The following COL1A2 variants were observed in gnomAD, a reference collection of about 807,000 sequenced individuals.
COL1A2 encodes collagen type I alpha 2 chain.
A neutral mutation model predicts 174.3 loss-of-function variants in COL1A2; 49 were observed. The ratio of observed to expected loss-of-function variants is 0.28; its 90% CI spans 0.22 to 0.36. The LOEUF is 0.36. COL1A2 is among the 10% of genes least tolerant of loss of function. The pLI is 1.00. For missense variants in COL1A2, 1,438 were observed against 1,822.7 expected (o/e 0.79, Z 3.84); for synonymous variants, 655 against 606.6 (o/e 1.08, Z -1.17).
chr7:94,425,685 C>T (rs766233272), intron 43 of COL1A2, 22 bp downstream of exon 43: 22 of 1,614,102 alleles, frequency 1.4e-5, no homozygotes, highest in Admixed American at 3.3e-5. Context: ...TTTCATCTTT[C>T]TCTAATTCAA....
intron 39 of COL1A2, 78 bp downstream of exon 39, chr7:94,422,030 C>T: frequency 7.9e-7 from 1 of 1,270,754 alleles, no homozygotes; most frequent in Non-Finnish European, 1.1e-6. Context: ...TGGTAAGAAA[C>T]TCTTCATGAA....
chr7:94,408,695 C>G, intron 15 of COL1A2, 75 bp from the exon 16 acceptor site: 1 of 1,515,638 alleles, frequency 6.6e-7, no homozygotes, highest in Non-Finnish European at 9.2e-7. Flanking sequence ...TAAGCAACTT[C>G]AATCTTCTGC....
intron 4 of COL1A2, among the ~76,000 whole-genome samples, chr7:94,399,863 T>A (rs1158487019): frequency 1.3e-5 from 2 of 152,200 alleles, no homozygotes; most frequent in Non-Finnish European, 2.9e-5. Flanking sequence ...AAAAATACGA[T>A]GTAAGTCCTT....
intron 24 of COL1A2, 38 bp from the exon 25 acceptor site, chr7:94,412,546 G>C (rs368291566): frequency 1.8e-5 from 28 of 1,528,340 alleles, no homozygotes; most frequent in Non-Finnish European, 2.4e-5. Context: ...GTGAGAATAT[G>C]TTGACACTGA....
Position 94,405,725 on chromosome 7 carries a change from G to C in COL1A2, c.539G>C (p.Arg180Thr). The change falls in exon 11 of 52, where the codon AGG (arginine) becomes ACG (threonine). Residue 180 changes from arginine to threonine, a missense_variant and splice_region_variant. Arg to Thr is a moderately conservative substitution (Grantham distance 71, BLOSUM62 -1). This residue lies in a region of COL1A2 where 281 missense variants were observed against 310.9 expected (regional missense o/e 0.90). Coordinates refer to ENST00000297268, the MANE Select transcript of COL1A2 (RefSeq NM_000089.4). ...TPGLPGFKGIRGHNGLDGLKG... is the reference protein window; with the variant it reads ...TPGLPGFKGITGHNGLDGLKG... ...GGACTTCCTGGCTTCAAAGGCATTA[G>C]GGTGAGCACATTCTTTACTCAGAAG... 6.2e-7 allele frequency: 1 copy of C among 1,612,724 alleles called. No homozygotes were observed. Among genetic ancestry groups the C allele is most frequent in the African/African-American group, 1.3e-5 (1 of 75,014 alleles).
intron 6 of COL1A2, among the ~76,000 whole-genome samples, 165 bp downstream of exon 6, chr7:94,401,785 G>A (rs1489637780): frequency 6.6e-6 from 1 of 151,900 alleles, no homozygotes; most frequent in Non-Finnish European, 1.5e-5. Flanking sequence ...CATAAGTTAA[G>A]GAGTTCACTT....
rs1194756393 is a variant in COL1A2 at position 94,410,468 on chromosome 7, A to C, written c.1138A>C (p.Lys380Gln). The C allele has an allele frequency of 4.5e-6, 7 of 1,550,498 alleles. No individual in the cohort carries two copies. Among genetic ancestry groups the C allele is most frequent in the Middle Eastern group, 4.1e-4 (2 of 4,886 alleles). ...GPPGPSGEEG[K>Q]RGPNGEAGSA... ...TCCTGGTCCCAGTGGTGAAGAAGGA[A>C]AGAGAGGCCCTAATGGGGAAGCTGG... The change falls in exon 21 of 52, where the codon AAG (lysine) becomes CAG (glutamine). Residue 380 changes from lysine (K) to glutamine (Q), a missense_variant. Around this residue, in one of 3 missense-constraint regions of COL1A2, gnomAD observed 867 missense variants for 1,213.7 expected, o/e 0.71. Coordinates refer to ENST00000297268, the MANE Select transcript of COL1A2 (RefSeq NM_000089.4).
In COL1A2 at chr7:94,409,324, T is replaced by A. The variant is rs944942328; in HGVS notation, c.795T>A (p.Gly265=). 6.8e-6 allele frequency: 11 copies of A among 1,613,802 alleles called. No individual in the cohort carries two copies. Among genetic ancestry groups the A allele is most frequent in the African/African-American group, 1.3e-5 (1 of 75,008 alleles). The part of the protein sequence containing the change: ...PGFPGAPGPK[G]EIGAVGNAGP... The stretch of plus-strand genomic sequence containing the variant: ...CTTGGTTTAATTTCCTCTTTTAGGG[T>A]GAAATTGGAGCTGTTGGTAACGCTG... The change falls in exon 17 of 52, where the codon GGT becomes GGA. Residue 265 remains glycine, a splice_region_variant and synonymous_variant. Coordinates refer to ENST00000297268, the MANE Select transcript of COL1A2 (RefSeq NM_000089.4).
chr7:94,419,382 C>A, intron 33 of COL1A2, 116 bp from the exon 34 acceptor site: 1 of 1,200,610 alleles, frequency 8.3e-7, no homozygotes, highest in Admixed American at 1.9e-5. Flanking sequence ...AGATATCCAA[C>A]CAGAGTGCAG....
At chr7:94,405,592 T>C in intron 10 of COL1A2, 81 bp from the exon 11 acceptor site, 6 of 1,315,280 alleles carry the variant, frequency 4.6e-6, no homozygotes, top group Non-Finnish European at 6.6e-6. Flanking sequence ...TTGATGAGAA[T>C]AAATACTTTG....
Position 94,410,581 on chromosome 7 carries a change from C to T in COL1A2, c.1197+54C>T, listed in dbSNP as rs188399400. ...ACACACCAGAGGCAGATTATGATAC[C>T]CCTTCACTGGGAATTGGTCAAAATT... On this transcript the variant is annotated intron_variant, in intron 21 of 51. Coordinates refer to ENST00000297268, the MANE Select transcript of COL1A2 (RefSeq NM_000089.4). 4.7e-4 allele frequency: 670 copies of T among 1,428,586 alleles called. 5 individuals are homozygous for T. The African/African-American group carries it at 8.4e-3, about 18-fold the overall frequency. 88.5% of individuals were successfully genotyped at this position (1,428,586 alleles called of 1,614,324 possible).
At chr7:94,400,909 A>C (rs1791676715) in intron 5 of COL1A2, among the ~76,000 whole-genome samples, 1 of 152,214 alleles carries the variant, frequency 6.6e-6, no homozygotes, top group African/African-American at 2.4e-5. Flanking sequence ...CAGTAAAATA[A>C]GACCTTTCTC....
intron 49 of COL1A2, 87 bp downstream of exon 49, chr7:94,427,972 G>A (rs1422534779): frequency 8.6e-6 from 12 of 1,398,618 alleles, no homozygotes; most frequent in Non-Finnish European, 9.0e-6. Flanking sequence ...GAGTGAAAAT[G>A]CATTTGGGTA....
rs1365749457 is a variant in COL1A2 at position 94,421,024 on chromosome 7, C to T, written c.2311C>T (p.Pro771Ser). The T allele has an allele frequency of 1.2e-6, 2 of 1,613,862 alleles. No individual in the cohort carries two copies. The highest frequency in any genetic ancestry group is 1.7e-6 in the Non-Finnish European group (2 of 1,179,896). ...TTGCATTTAGGGTCCAAATGGTCCC[C>T]CCGGTCCTGCTGGAAGTCGTGGTGA... ...AAGPAGPNGP[P>S]GPAGSRGDGG... The change falls in exon 38 of 52, where the codon CCC becomes TCC. Residue 771 changes from proline to serine, a missense_variant. Transcript: ENST00000297268.
Position 94,425,206 on chromosome 7 carries a change from T to C in COL1A2, c.2763T>C (p.Pro921=), listed in dbSNP as rs1399760492. ...AVGSPGVNGA[P]GEAGRDGNPG... ...GTAGTCCTGGAGTCAACGGTGCTCCTGGTGAAGCTGGTCGTGATGTGAGTC... is the reference window on the plus strand; with the variant it reads ...GTAGTCCTGGAGTCAACGGTGCTCCCGGTGAAGCTGGTCGTGATGTGAGTC... The change falls in exon 42 of 52, where the codon CCT becomes CCC. Residue 921 remains proline, a synonymous_variant. Transcript: ENST00000297268. 9 of 1,613,956 alleles carry C rather than the reference T, an allele frequency of 5.6e-6. No homozygotes were observed. Among genetic ancestry groups the C allele is most frequent in the African/African-American group, 1.3e-5 (1 of 74,900 alleles).
At chr7:94,405,787 G>C in intron 11 of COL1A2, 61 bp downstream of exon 11, 2 of 1,329,640 alleles carry the variant, frequency 1.5e-6, no homozygotes, top group South Asian at 2.3e-5. Flanking sequence ...AAAAACTCAA[G>C]TATGTTTAAA....
chr7:94,402,552 T>G (rs2115868700), intron 6 of COL1A2, among the ~76,000 whole-genome samples: 1 of 152,112 alleles, frequency 6.6e-6, no homozygotes, highest in Admixed American at 6.5e-5. Context: ...AAATGAAGCT[T>G]CTAACAAGCA....
At position 94,427,224 on chromosome 7, in the gene COL1A2, G is replaced by A. The variant is rs1269193853; in HGVS notation, c.3196G>A (p.Gly1066Ser). ...TCCTTCTGGCCCTGCTGGAAAAGAT[G>A]GTCGCACTGGACATCCTGGTACAGT... ...AGPSGPAGKD[G>S]RTGHPGTVGP... The change falls in exon 48 of 52, where the codon GGT becomes AGT. Residue 1066 changes from glycine to serine, a missense_variant. Physicochemically the swap from Gly to Ser is moderately conservative, Grantham distance 56. This residue lies in a region of COL1A2 where 867 missense variants were observed against 1,213.7 expected (regional missense o/e 0.71). Coordinates refer to ENST00000297268, the MANE Select transcript of COL1A2 (RefSeq NM_000089.4). The A allele has an allele frequency of 4.3e-6, 7 of 1,613,998 alleles. No homozygotes were observed. The highest frequency in any genetic ancestry group is 5.9e-6 in the Non-Finnish European group (7 of 1,179,984).
intron 23 of COL1A2, among the ~76,000 whole-genome samples, chr7:94,411,470 G>T (rs1173782358): frequency 6.6e-6 from 1 of 152,094 alleles, no homozygotes; most frequent in African/African-American, 2.4e-5. Flanking sequence ...TTTATATAAG[G>T]TGTTCATGAA....
Sources: gnomAD v4.1 joint callset for allele counts (sites outside exome capture counted in the v4.1 genomes callset) on GRCh38, gnomAD v4.1.1 for gene constraint, gnomAD v4.1.1 regional missense constraint, MANE v1.5 for transcripts, NCBI Gene and HGNC (gene_info 2026-07-23, HGNC 2026-07-21) for gene names.